TMEM242: variants seen among roughly 807,000 people sequenced by gnomAD.
TMEM242 encodes the protein UPF0463 transmembrane protein C6orf35.
TMEM242 carries 10 observed loss-of-function variants against 18.2 expected under a neutral mutation model. The ratio of observed to expected loss-of-function variants is 0.55; its 90% CI spans 0.34 to 0.93. TMEM242 has a LOEUF of 0.93. TMEM242 is among the 40% of genes least tolerant of loss of function. The pLI is 0.02. For missense variants in TMEM242, 186 were observed against 175.5 expected (o/e 1.06, Z -0.34); for synonymous variants, 57 against 69.9 (o/e 0.81, Z 0.92).
chr6:157,306,329 T>C lies in TMEM242; in HGVS notation c.327+12453A>G, dbSNP rs781820034. ...ACAGAGACAGCTGTCCGAATCATCTTGGAGCAAGAAGGTGCCATCAACTAT... is the reference window on the plus strand; with the variant it reads ...ACAGAGACAGCTGTCCGAATCATCTCGGAGCAAGAAGGTGCCATCAACTAT... On this transcript the variant is annotated intron_variant, in intron 3 of 3. Coordinates refer to ENST00000400788, the MANE Select transcript of TMEM242 (RefSeq NM_018452.6). Among the ~76,000 whole-genome samples, 99 of 152,128 alleles carry C rather than the reference T, an allele frequency of 6.5e-4. 1 individual carries two copies. Among genetic ancestry groups the C allele is most frequent in the Admixed American group, 2.0e-4 (3 of 15,282 alleles).
chr6:157,310,706 C>G (rs912438009), intron 3 of TMEM242, among the ~76,000 whole-genome samples: 12 of 151,898 alleles, frequency 7.9e-5, no homozygotes, highest in Admixed American at 1.3e-4. Context: ...ATCATAGTGC[C>G]CCAGTGTGCA....
At chr6:157,306,033 C>T (rs1777914062) in intron 3 of TMEM242, among the ~76,000 whole-genome samples, 1 of 152,176 alleles carries the variant, frequency 6.6e-6, no homozygotes, top group East Asian at 1.9e-4. Context: ...GAAACTAGAG[C>T]ATGTCTGTAC....
rs1554248822 is a variant in TMEM242 at position 157,311,515 on chromosome 6, A to ATT, written c.327+7266_327+7267insAA. Among the ~76,000 whole-genome samples, 31 of 129,336 alleles carry ATT rather than the reference A, an allele frequency of 2.4e-4. 1 individual carries two copies. Among genetic ancestry groups the ATT allele is most frequent in the African/African-American group, 3.2e-4 (11 of 34,340 alleles). 84.8% of individuals were successfully genotyped at this position (129,336 alleles called of 152,430 possible). ...TCACCTAGCCTCAGCATAGTGCCCCAGTGTGCACTCAACCGGCCTCATCAT... is the reference window on the plus strand; with the variant it reads ...TCACCTAGCCTCAGCATAGTGCCCCATTGTGTGCACTCAACCGGCCTCATCAT... On this transcript the variant is annotated intron_variant, in intron 3 of 3. Transcript: ENST00000400788.
chr6:157,301,846 T>C (rs190441979), intron 3 of TMEM242, among the ~76,000 whole-genome samples: 127 of 152,202 alleles, frequency 8.3e-4, no homozygotes, highest in Admixed American at 7.7e-3. Context: ...GCATGAGAAT[T>C]GCTTGAACCC....
chr6:157,314,682 T>C (rs1382612145), intron 3 of TMEM242, among the ~76,000 whole-genome samples: 11 of 152,228 alleles, frequency 7.2e-5, no homozygotes, highest in Admixed American at 6.5e-4. Flanking sequence ...TTAGATCCTC[T>C]GGTTAAATGA....
At chr6:157,304,602 C>T (rs1312613472) in intron 3 of TMEM242, among the ~76,000 whole-genome samples, 3 of 151,534 alleles carry the variant, frequency 2.0e-5, no homozygotes, top group Admixed American at 1.3e-4. Context: ...GTTACAGGTG[C>T]GAGGATATAA....
At chr6:157,312,462 G>C (rs200137647) in intron 3 of TMEM242, among the ~76,000 whole-genome samples, 421 of 8,472 alleles carry the variant, frequency 0.05, 13 homozygotes, top group African/African-American at 0.081. Flanking sequence ...TAGTGCCCCA[G>C]CGTGCACTCA....
Position 157,290,422 on chromosome 6 carries a change from C to G in TMEM242, c.*2479G>C, listed in dbSNP as rs1302284552. 1 of 152,110 alleles carries G rather than the reference C, an allele frequency of 6.6e-6. No individual in the cohort carries two copies. Among genetic ancestry groups the G allele is most frequent in the Non-Finnish European group, 1.5e-5 (1 of 68,024 alleles). The allele number at this position is 152,110 out of a possible 1,614,324, so 9.4% of individuals were successfully genotyped here. On this transcript the variant is annotated 3_prime_UTR_variant, in exon 4 of 4. Transcript: ENST00000400788. ...AGGGTGATTAAAACTCTTTATGCTC[C>G]AGGAGATAAATGTGATTATGTTTGT...
At chr6:157,308,966 G>C (rs1252953757) in intron 3 of TMEM242, among the ~76,000 whole-genome samples, 2 of 152,170 alleles carry the variant, frequency 1.3e-5, no homozygotes, top group Non-Finnish European at 2.9e-5. Flanking sequence ...ATGCCTACAG[G>C]TTCCCTATGG....
At position 157,311,311 on chromosome 6, in the gene TMEM242, AGT is replaced by A. The variant is rs1554248723; in HGVS notation, c.327+7469_327+7470del. Among the ~76,000 whole-genome samples the A allele has an allele frequency of 6.7e-5, 10 of 149,062 alleles. 1 individual carries two copies. Among genetic ancestry groups the A allele is most frequent in the East Asian group, 6.0e-4 (3 of 5,020 alleles). ...ACACCGAGCCTCATTATAGTGTCCC[AGT>A]GTGTGTTCACCTAGCCTCATCATAG... On this transcript the variant is annotated intron_variant, in intron 3 of 3. Transcript: ENST00000400788.
intron 3 of TMEM242, among the ~76,000 whole-genome samples, chr6:157,312,616 TCAC>T (rs1554249339): frequency 5.9e-5 from 9 of 151,536 alleles, no homozygotes; most frequent in South Asian, 2.1e-4. Context: ...TCACCTAGCC[TCAC>T]CATAGTGTCG....
intron 3 of TMEM242, among the ~76,000 whole-genome samples, chr6:157,308,535 A>G (rs1377111523): frequency 6.6e-6 from 1 of 152,206 alleles, no homozygotes; most frequent in African/African-American, 2.4e-5. Context: ...CCATTTATAG[A>G]GACATATTTA....
intron 2 of TMEM242, among the ~76,000 whole-genome samples, chr6:157,321,644 C>G (rs772406076): frequency 6.6e-6 from 1 of 152,078 alleles, no homozygotes; most frequent in African/African-American, 2.4e-5. Context: ...TGTTAGACCC[C>G]GAAGAGCATC....
chr6:157,297,038 T>C lies in TMEM242; in HGVS notation c.328-4039A>G, dbSNP rs183883884. ...CTCGTTCACATTTCAATAGGCCATA[T>C]AGCCAGTAGGCCAGGAGTGAGGCCA... On this transcript the variant is annotated intron_variant, in intron 3 of 3. Coordinates refer to ENST00000400788, the MANE Select transcript of TMEM242 (RefSeq NM_018452.6). Among the ~76,000 whole-genome samples the C allele has an allele frequency of 4.9e-3, 748 of 152,372 alleles. 4 individuals carry two copies. Among genetic ancestry groups the C allele is most frequent in the African/African-American group, 0.017 (710 of 41,588 alleles).
intron 3 of TMEM242, chr6:157,299,843 C>T (rs1777802475): frequency 1.2e-6 from 2 of 1,611,936 alleles, no homozygotes; most frequent in Non-Finnish European, 8.5e-7. Context: ...CTTCAGTTTG[C>T]CTTCATCAAG....
chr6:157,322,637 T>C, intron 2 of TMEM242, 68 bp downstream of exon 2: 1 of 1,351,010 alleles, frequency 7.4e-7, no homozygotes, highest in South Asian at 1.4e-5. Context: ...ATTTTATTTT[T>C]TCTACGCAAA....
intron 3 of TMEM242, among the ~76,000 whole-genome samples, chr6:157,317,588 G>A (rs1778412918): frequency 6.6e-6 from 1 of 152,108 alleles, no homozygotes; most frequent in Admixed American, 6.6e-5. Flanking sequence ...ATACTGATGA[G>A]TCTCAAATTC....
intron 3 of TMEM242, among the ~76,000 whole-genome samples, chr6:157,312,599 T>A (rs1554249327): frequency 1.4e-4 from 21 of 150,652 alleles, no homozygotes; most frequent in African/African-American, 4.9e-4. Context: ...AGTGCCGCAG[T>A]GTGCACTCAC....
At chr6:157,293,076 GACTGGCTAGTACTTC>G (rs1370195666) in intron 3 of TMEM242, 77 bp from the exon 4 acceptor site, 3 of 1,038,846 alleles carry the variant, frequency 2.9e-6, no homozygotes, top group Non-Finnish European at 4.5e-6. Flanking sequence ...CACCTTTGCT[GACTGGCTAGTACTTC>G]ACTGCTCACA....
Sources: gnomAD v4.1 joint callset for allele counts (sites outside exome capture counted in the v4.1 genomes callset) on GRCh38, gnomAD v4.1.1 for gene constraint, MANE v1.5 for transcripts, NCBI Gene and HGNC (gene_info 2026-07-23, HGNC 2026-07-21) for gene names.